The following MACROD2 variants were observed in gnomAD, a reference collection of about 807,000 sequenced individuals.
The protein encoded by MACROD2 is mono-ADP ribosylhydrolase 2, also known as ADP-ribose glycohydrolase MACROD2.
In MACROD2, 36 loss-of-function variants were observed where a neutral mutation model predicts 70.4. The observed-to-expected ratio is 0.51, with a 90% CI of 0.39 to 0.68. MACROD2 has a LOEUF of 0.68. Ranked by LOEUF, MACROD2 falls within the 30% of genes least tolerant of loss-of-function variation. MACROD2 has a pLI of 0.00. For synonymous variants in MACROD2, 172 were observed against 178.8 expected (o/e 0.96, Z 0.30); for missense variants, 496 against 538.4 (o/e 0.92, Z 0.78).
intron 8 of MACROD2, among the ~76,000 whole-genome samples, chr20:15,856,876 G>T (rs773261415): frequency 2.6e-5 from 4 of 152,166 alleles, no homozygotes; most frequent in Non-Finnish European, 4.4e-5. Flanking sequence ...GGAAACTTTA[G>T]GAAGTTAACC....
intron 8 of MACROD2, among the ~76,000 whole-genome samples, chr20:15,641,661 C>T (rs1288039744): frequency 1.3e-5 from 2 of 152,216 alleles, no homozygotes; most frequent in East Asian, 1.9e-4. Flanking sequence ...AAGCGTCTTA[C>T]ACCTCTTTGC....
intron 6 of MACROD2, among the ~76,000 whole-genome samples, chr20:15,423,268 G>T (rs929573306): frequency 2.6e-5 from 4 of 152,084 alleles, no homozygotes; most frequent in African/African-American, 9.7e-5. Context: ...AGCCTCCCTG[G>T]ACCAGTAGCT....
chr20:15,753,435 A>G (rs2051302245), intron 8 of MACROD2, among the ~76,000 whole-genome samples: 1 of 152,192 alleles, frequency 6.6e-6, no homozygotes, highest in Non-Finnish European at 1.5e-5. Context: ...TGTTGCTGCA[A>G]AGTACAAGAT....
At chr20:14,830,649 A>G (rs1043102299) in intron 5 of MACROD2, among the ~76,000 whole-genome samples, 1 of 152,140 alleles carries the variant, frequency 6.6e-6, no homozygotes, top group African/African-American at 2.4e-5. Flanking sequence ...AAATGTGACA[A>G]TTCAGTTAAA....
chr20:14,392,802 C>T (rs910286315), intron 3 of MACROD2, among the ~76,000 whole-genome samples: 9 of 152,172 alleles, frequency 5.9e-5, no homozygotes, highest in African/African-American at 1.4e-4. Flanking sequence ...CTTATATTGA[C>T]GGCAACTTGG....
At chr20:14,080,462 A>AAAG (rs2053976017) in intron 2 of MACROD2, among the ~76,000 whole-genome samples, 1 of 151,372 alleles carries the variant, frequency 6.6e-6, no homozygotes, top group Non-Finnish European at 1.5e-5. Context: ...AAAAAAAAAA[A>AAAG]AAATCTAATC....
chr20:14,126,671 AT>A (rs1347917678), intron 3 of MACROD2, among the ~76,000 whole-genome samples: 4 of 152,056 alleles, frequency 2.6e-5, no homozygotes, highest in African/African-American at 9.7e-5. Context: ...AATTTAAAAC[AT>A]TTTCAATTAT....
At chr20:15,697,450 T>C (rs748332320) in intron 8 of MACROD2, among the ~76,000 whole-genome samples, 5 of 152,200 alleles carry the variant, frequency 3.3e-5, no homozygotes, top group Non-Finnish European at 7.3e-5. Context: ...CTTAAATTTA[T>C]TGAGGCCCCT....
intron 5 of MACROD2, among the ~76,000 whole-genome samples, chr20:14,812,795 T>G (rs1349803967): frequency 6.6e-6 from 1 of 151,984 alleles, no homozygotes; most frequent in African/African-American, 2.4e-5. Context: ...ACCAAGTGGG[T>G]GTAATTCACT....
intron 4 of MACROD2, among the ~76,000 whole-genome samples, chr20:14,535,429 C>A (rs1238317462): frequency 6.8e-6 from 1 of 147,670 alleles, no homozygotes; most frequent in Non-Finnish European, 1.5e-5. Flanking sequence ...TGCTTGAATC[C>A]AGGAGGCAGA....
intron 6 of MACROD2, among the ~76,000 whole-genome samples, chr20:15,312,857 A>G (rs966236971): frequency 6.6e-6 from 1 of 152,264 alleles, no homozygotes; most frequent in East Asian, 1.9e-4. Context: ...ATATGTATGT[A>G]TATGTGATAC....
chr20:14,391,061 T>A (rs141909645), intron 3 of MACROD2, among the ~76,000 whole-genome samples: 21 of 152,272 alleles, frequency 1.4e-4, no homozygotes, highest in South Asian at 6.2e-4. Context: ...GAAGACTGTG[T>A]GATGATTTTT....
At position 16,006,296 on chromosome 20, in the gene MACROD2, T is replaced by G. The variant is rs191762806; in HGVS notation, c.1153+19138T>G. On this transcript the variant is annotated intron_variant, in intron 15 of 17. Coordinates refer to ENST00000684519, the MANE Select transcript of MACROD2 (RefSeq NM_001351661.2). ...TTGATTTCAATCAAGGGGCCATTTTTGGGGAGCCTTAAGTTACTCTCAAAT... is the reference window on the plus strand; with the variant it reads ...TTGATTTCAATCAAGGGGCCATTTTGGGGGAGCCTTAAGTTACTCTCAAAT... Among the ~76,000 whole-genome samples the G allele has an allele frequency of 1.7e-4, 26 of 152,338 alleles. No individual in the cohort carries two copies. The East Asian group carries it at 4.8e-3, about 28-fold the overall frequency.
At chr20:14,797,866 GATGA>G (rs371954044) in intron 5 of MACROD2, among the ~76,000 whole-genome samples, 23 of 151,922 alleles carry the variant, frequency 1.5e-4, no homozygotes, top group Non-Finnish European at 2.6e-4. Flanking sequence ...TTTATTGCTG[GATGA>G]ATGAATGAAT....
chr20:14,932,483 T>C (rs1262106081), intron 5 of MACROD2, among the ~76,000 whole-genome samples: 2 of 152,178 alleles, frequency 1.3e-5, no homozygotes, highest in African/African-American at 2.4e-5. Flanking sequence ...TCTTTGAGCA[T>C]GAGAGTCCAT....
At chr20:15,937,628 C>G (rs1034318783) in intron 12 of MACROD2, 84 bp downstream of exon 12, 199 of 1,261,646 alleles carry the variant, frequency 1.6e-4, no homozygotes, top group Non-Finnish European at 2.2e-4. Flanking sequence ...AATGAAGCAG[C>G]AAGTCAAATA....
At chr20:15,885,107 A>T (rs1048405691) in intron 9 of MACROD2, among the ~76,000 whole-genome samples, 6 of 152,142 alleles carry the variant, frequency 3.9e-5, no homozygotes, top group African/African-American at 1.4e-4. Flanking sequence ...TGTGGGGAGC[A>T]TAAGGAGAGA....
chr20:15,907,137 C>G (rs1490732374), intron 10 of MACROD2, among the ~76,000 whole-genome samples: 2 of 152,180 alleles, frequency 1.3e-5, no homozygotes, highest in African/African-American at 4.8e-5. Context: ...TGGTACCCAC[C>G]AATTCTTCAA....
intron 7 of MACROD2, among the ~76,000 whole-genome samples, chr20:15,431,870 A>T (rs1250683057): frequency 6.6e-6 from 1 of 152,078 alleles, no homozygotes; most frequent in Non-Finnish European, 1.5e-5. Flanking sequence ...ATTTTAAAAA[A>T]GTCCAAAGAA....
Sources: allele counts gnomAD v4.1 joint callset (sites outside exome capture counted in the v4.1 genomes callset), GRCh38; gene constraint gnomAD v4.1.1; transcripts MANE v1.5; gene names NCBI Gene and HGNC (gene_info 2026-07-23, HGNC 2026-07-21).